Variants in TGFB1I1 observed in about 807,000 individuals in gnomAD.
TGFB1I1 encodes the protein transforming growth factor beta-1-induced transcript 1 protein.
Under a neutral mutation model 52.0 loss-of-function variants are expected in TGFB1I1, and 33 were observed. The observed-to-expected ratio is 0.63, with a 90% CI of 0.48 to 0.85. The LOEUF (loss-of-function observed/expected upper bound fraction) is 0.85, where lower values mean the gene tolerates loss of function less well. Among genes scored for constraint, TGFB1I1 ranks in the 40% least tolerant of loss-of-function variants. The probability of loss-of-function intolerance (pLI) is 0.00; values close to 1 mark genes in which losing one functional copy is unlikely to be tolerated. For missense variants in TGFB1I1, 577 were observed against 614.9 expected, an observed-to-expected ratio of 0.94 and a Z score of 0.65; for synonymous variants, 236 against 253.3, an observed-to-expected ratio of 0.93 and a Z score of 0.65.
At chr16:31,473,150 G>T in intron 1 of TGFB1I1, 2 of 1,163,856 alleles carry the variant, frequency 1.7e-6, no homozygotes, top group South Asian at 2.3e-5. Context: ...AATTTGGAGG[G>T]GAGCCAAATT....
chr16:31,474,637 G>A lies in TGFB1I1; in HGVS notation c.594G>A (p.Pro198=), dbSNP rs771337159. The change falls in exon 7 of 11, where the codon CCG becomes CCA. Residue 198 remains proline (P), a synonymous_variant. Coordinates refer to ENST00000394863, the MANE Select transcript of TGFB1I1 (RefSeq NM_001042454.3). This position sits in a 1 kb window ranked among gnomAD's most constrained non-coding sequence, Gnocchi z 4.2. ...TNEGSPSPPE[P]TGKGSLDTML... is the part of the protein sequence containing the mutation. ...AGGGCTCCCCATCCCCACCAGAGCC[G>A]ACTGGCAAGGGCAGCCTAGACACCA... 18 of 1,612,700 alleles carry A rather than the reference G, an allele frequency of 1.1e-5. No homozygotes were observed. The East Asian group carries it at 2.5e-4, about 22-fold the overall frequency.
rs761063405 is a variant in TGFB1I1 at position 31,476,610 on chromosome 16, C to A, written c.970+48C>A. 6 of 1,574,976 alleles carry A rather than the reference C, an allele frequency of 3.8e-6. No homozygotes were observed. The Admixed American group carries it at 1.1e-4, about 29-fold the overall frequency. On this transcript the variant is annotated intron_variant, in intron 9 of 10. Coordinates refer to ENST00000394863, the MANE Select transcript of TGFB1I1 (RefSeq NM_001042454.3). This position sits in a 1 kb window ranked among gnomAD's most constrained non-coding sequence, Gnocchi z 7.6. ...TCTTAAAAGCTGCGGGTCCCCTCGACGTCTCGCCCCAGCCCCTCCGACCTC... is the reference window on the plus strand; with the variant it reads ...TCTTAAAAGCTGCGGGTCCCCTCGAAGTCTCGCCCCAGCCCCTCCGACCTC...
At position 31,474,834 on chromosome 16, in the gene TGFB1I1, T is replaced by A; in HGVS notation, c.714+77T>A. 1 of 1,380,314 alleles carries A rather than the reference T, an allele frequency of 7.2e-7. No individual in the cohort carries two copies. The highest frequency in any genetic ancestry group is 9.9e-7 in the Non-Finnish European group (1 of 1,005,470). 85.5% of individuals were successfully genotyped at this position (1,380,314 alleles called of 1,614,324 possible). On this transcript the variant is annotated intron_variant, in intron 7 of 10. Coordinates refer to ENST00000394863, the MANE Select transcript of TGFB1I1 (RefSeq NM_001042454.3). This position sits in a 1 kb window ranked among gnomAD's most constrained non-coding sequence, Gnocchi z 4.2. Reference sequence around the variant, plus strand: ...TTAGTGAGAGCTGGGCTTTATGCTGTTCCCTTTTAGTAAGTTAATCTGGGA... The same window carrying A: ...TTAGTGAGAGCTGGGCTTTATGCTGATCCCTTTTAGTAAGTTAATCTGGGA...
Position 31,477,619 on chromosome 16 carries a change from C to T in TGFB1I1, c.*43C>T. On this transcript the variant is annotated 3_prime_UTR_variant, in exon 11 of 11. Coordinates refer to ENST00000394863, the MANE Select transcript of TGFB1I1 (RefSeq NM_001042454.3). This position sits in a 1 kb window ranked among gnomAD's most constrained non-coding sequence, Gnocchi z 4.7. ...CCTCTCCCCCGGAGGCCGCGCCCTC[C>T]CGGAAAAGCCGGGTCCTCCAGACCC... 1 of 1,540,448 alleles carries T rather than the reference C, an allele frequency of 6.5e-7. No homozygotes were observed. Among genetic ancestry groups the T allele is most frequent in the Non-Finnish European group, 8.7e-7 (1 of 1,147,702 alleles).
In TGFB1I1 at chr16:31,476,894, C is replaced by T; in HGVS notation, c.1003C>T (p.Arg335Cys). Residue 335 changes from arginine to cysteine, a missense_variant, in exon 10 of 11, where the codon CGC becomes TGC. By Grantham distance (180) the Arg-to-Cys change is radical. Around this residue, in one of 3 missense-constraint regions of TGFB1I1, gnomAD observed 456 missense variants for 461.6 expected, o/e 0.99. Transcript: ENST00000394863. This position sits in a 1 kb window ranked among gnomAD's most constrained non-coding sequence, Gnocchi z 7.6. ...FHEREGRPYCRRDFLQLFAPR... is the reference protein window; with the variant it reads ...FHEREGRPYCCRDFLQLFAPR... ...CGAGCGCGAGGGCCGCCCCTACTGC[C>T]GCCGGGACTTCCTGCAGCTGTTCGC... The T allele has an allele frequency of 1.2e-6, 2 of 1,610,532 alleles. No homozygotes were observed. The highest frequency in any genetic ancestry group is 1.7e-6 in the Non-Finnish European group (2 of 1,179,566).
chr16:31,474,793 T>G lies in TGFB1I1; in HGVS notation c.714+36T>G. 7 of 1,571,936 alleles carry G rather than the reference T, an allele frequency of 4.5e-6. No individual in the cohort carries two copies. The highest frequency in any genetic ancestry group is 6.1e-6 in the Non-Finnish European group (7 of 1,156,582). On this transcript the variant is annotated intron_variant, in intron 7 of 10. Transcript: ENST00000394863. The surrounding 1 kb of genome is among the most constrained non-coding windows in gnomAD (Gnocchi z 4.2). ...CCTTGTGAGAAGGGAGGCAGAGACC[T>G]GTCACAGACCCATCTTTAGTGAGAG...
Position 31,476,892 on chromosome 16 carries a change from G to A in TGFB1I1, c.1001G>A (p.Cys334Tyr), listed in dbSNP as rs761308402. The stretch of plus-strand genomic sequence containing the variant: ...CACGAGCGCGAGGGCCGCCCCTACT[G>A]CCGCCGGGACTTCCTGCAGCTGTTC... ...GFHEREGRPY[C>Y]RRDFLQLFAP... The change falls in exon 10 of 11, where the codon TGC becomes TAC. Residue 334 changes from cysteine to tyrosine, a missense_variant. By Grantham distance (194) the Cys-to-Tyr change is radical. Coordinates refer to ENST00000394863, the MANE Select transcript of TGFB1I1 (RefSeq NM_001042454.3). This position sits in a 1 kb window ranked among gnomAD's most constrained non-coding sequence, Gnocchi z 7.6. 1 of 1,610,866 alleles carries A rather than the reference G, an allele frequency of 6.2e-7. No homozygotes were observed. The highest frequency in any genetic ancestry group is 8.5e-7 in the Non-Finnish European group (1 of 1,179,720).
rs2082426162 is a variant in TGFB1I1, at chr16:31,476,685, C to T, written c.970+123C>T. 3 of 1,422,484 alleles carry T rather than the reference C, an allele frequency of 2.1e-6. No individual in the cohort carries two copies. The highest frequency in any genetic ancestry group is 2.9e-6 in the Non-Finnish European group (3 of 1,043,814). 88.1% of individuals were successfully genotyped at this position (1,422,484 alleles called of 1,614,324 possible). On this transcript the variant is annotated intron_variant, in intron 9 of 10. Transcript: ENST00000394863. This position sits in a 1 kb window ranked among gnomAD's most constrained non-coding sequence, Gnocchi z 7.6. ...CCTTCTGCTCTCTTCTGGCCCTGCC[C>T]TCTCCTACACAGACTCCGGACCCGA... is the stretch of plus-strand genomic sequence containing the variant.
rs1427594044 is a variant in TGFB1I1 at position 31,477,332 on chromosome 16, G to C, written c.1142G>C (p.Gly381Ala). ...VCRECFAPFS[G>A]GSFFEHEGRP... ...CAGGAATGCTTCGCGCCCTTCTCGG[G>C]AGGCAGCTTTTTCGAGCACGAGGGC... The change falls in exon 11 of 11, where the codon GGA becomes GCA. Residue 381 changes from glycine to alanine, a missense_variant. Around this residue, in one of 3 missense-constraint regions of TGFB1I1, gnomAD observed 456 missense variants for 461.6 expected, o/e 0.99. Coordinates refer to ENST00000394863, the MANE Select transcript of TGFB1I1 (RefSeq NM_001042454.3). The surrounding 1 kb of genome is among the most constrained non-coding windows in gnomAD (Gnocchi z 4.7). The C allele has an allele frequency of 1.2e-6, 2 of 1,608,730 alleles. No homozygotes were observed. Among genetic ancestry groups the C allele is most frequent in the East Asian group, 2.2e-5 (1 of 44,602 alleles).
At position 31,477,079 on chromosome 16, in the gene TGFB1I1, AG is replaced by A. The variant is rs1228178956; in HGVS notation, c.1119+73del. ...ACAGGGCTGTGGGGCGGGGCCTTGG[AG>A]GGGCGGGTCAAGGGTGCAGGGCAGG... is the stretch of plus-strand genomic sequence containing the variant. On this transcript the variant is annotated intron_variant, in intron 10 of 10. Transcript: ENST00000394863. The surrounding 1 kb of genome is among the most constrained non-coding windows in gnomAD (Gnocchi z 4.7). The A allele has an allele frequency of 5.8e-6, 2 of 343,492 alleles. No homozygotes were observed. Among genetic ancestry groups the A allele is most frequent in the Admixed American group, 5.1e-5 (1 of 19,598 alleles). 21.3% of individuals were successfully genotyped at this position (343,492 alleles called of 1,614,324 possible).
Position 31,474,429 on chromosome 16 carries a change from C to G in TGFB1I1, c.493C>G (p.Leu165Val), listed in dbSNP as rs376501973. 7.4e-6 allele frequency: 12 copies of G among 1,614,214 alleles called. No homozygotes were observed. The African/African-American group carries it at 1.5e-4, about 20-fold the overall frequency. ...TLELDRLMAS[L>V]SDFRVQNHLP... is the part of the protein sequence containing the mutation. ...GGAGCTGGATAGACTGATGGCCTCA[C>G]TCTCTGACTTCCGCGTTCAAAACCA... The change falls in exon 6 of 11, where the codon CTC becomes GTC. Residue 165 changes from leucine to valine, a missense_variant. Leu to Val is a conservative substitution (Grantham distance 32). Transcript: ENST00000394863. This position sits in a 1 kb window ranked among gnomAD's most constrained non-coding sequence, Gnocchi z 4.2.
chr16:31,474,720 G>C lies in TGFB1I1; in HGVS notation c.677G>C (p.Gly226Ala), dbSNP rs1188550847. ...CGGGGTGTTCCCACCCAGGCCAAAG[G>C]CCTCTGTGGCTCCTGCAATAAACCT... ...SRRGVPTQAK[G>A]LCGSCNKPIA... The change falls in exon 7 of 11, where the codon GGC becomes GCC. Residue 226 changes from glycine (G) to alanine (A), a missense_variant. Around this residue, in one of 3 missense-constraint regions of TGFB1I1, gnomAD observed 456 missense variants for 461.6 expected, o/e 0.99. Coordinates refer to ENST00000394863, the MANE Select transcript of TGFB1I1 (RefSeq NM_001042454.3). This position sits in a 1 kb window ranked among gnomAD's most constrained non-coding sequence, Gnocchi z 4.2. 26 of 1,611,958 alleles carry C rather than the reference G, an allele frequency of 1.6e-5. No homozygotes were observed. Among genetic ancestry groups the C allele is most frequent in the African/African-American group, 4.0e-5 (3 of 74,930 alleles).
rs772350032 is a variant in TGFB1I1 at position 31,477,540 on chromosome 16, C to T, written c.1350C>T (p.Pro450=). Reference sequence around the variant, plus strand: ...CCTTCCAGGAGCGCGCCGGCAAGCCCTACTGCCAGCCCTGCTTCCTGAAGC... The same window carrying T: ...CCTTCCAGGAGCGCGCCGGCAAGCCTTACTGCCAGCCCTGCTTCCTGAAGC... ...KGSFQERAGK[P]YCQPCFLKLF... Residue 450 remains proline, a synonymous_variant, in exon 11 of 11, where the codon CCC becomes CCT. Transcript: ENST00000394863. The surrounding 1 kb of genome is among the most constrained non-coding windows in gnomAD (Gnocchi z 4.7). 1.9e-6 allele frequency: 3 copies of T among 1,609,242 alleles called. No homozygotes were observed. Among genetic ancestry groups the T allele is most frequent in the South Asian group, 1.1e-5 (1 of 90,534 alleles).
chr16:31,477,574 T>A lies in TGFB1I1; in HGVS notation c.1384T>A (p.Ter462ArgextTer41), dbSNP rs765078641. 2.5e-6 allele frequency: 4 copies of A among 1,600,230 alleles called. No individual in the cohort carries two copies. The South Asian group carries it at 4.5e-5, about 18-fold the overall frequency. ...GCCCTGCTTCCTGAAGCTCTTCGGCTGACAGCCCGCTCGGCTCGCCCTCTC... is the reference window on the plus strand; with the variant it reads ...GCCCTGCTTCCTGAAGCTCTTCGGCAGACAGCCCGCTCGGCTCGCCCTCTC... ...CQPCFLKLFG[*>R] The change falls in exon 11 of 11, where the codon TGA becomes AGA. Residue 462 changes from the stop codon to arginine (R), a stop_lost. Coordinates refer to ENST00000394863, the MANE Select transcript of TGFB1I1 (RefSeq NM_001042454.3). This position sits in a 1 kb window ranked among gnomAD's most constrained non-coding sequence, Gnocchi z 4.7.
intron 1 of TGFB1I1, 173 bp downstream of exon 1, chr16:31,472,374 T>G: frequency 1.8e-6 from 2 of 1,100,726 alleles, no homozygotes; most frequent in Non-Finnish European, 2.3e-6. Flanking sequence ...CTTCCTGCCT[T>G]TCCTGGGCCG....
chr16:31,472,303 T>G, intron 1 of TGFB1I1, 102 bp downstream of exon 1: 1 of 1,363,984 alleles, frequency 7.3e-7, no homozygotes, highest in Non-Finnish European at 9.5e-7. Context: ...TCTTCTTACT[T>G]CTGCTTTTCG....
At position 31,474,431 on chromosome 16, in the gene TGFB1I1, C is replaced by G. The variant is rs763244751; in HGVS notation, c.495C>G (p.Leu165=). ...TLELDRLMAS[L]SDFRVQNHLP... is the part of the protein sequence containing the mutation. ...AGCTGGATAGACTGATGGCCTCACT[C>G]TCTGACTTCCGCGTTCAAAACCATG... The change falls in exon 6 of 11, where the codon CTC becomes CTG. Residue 165 remains leucine (L), a synonymous_variant. Coordinates refer to ENST00000394863, the MANE Select transcript of TGFB1I1 (RefSeq NM_001042454.3). This position sits in a 1 kb window ranked among gnomAD's most constrained non-coding sequence, Gnocchi z 4.2. The G allele has an allele frequency of 6.2e-7, 1 of 1,614,216 alleles. No homozygotes were observed. Among genetic ancestry groups the G allele is most frequent in the Non-Finnish European group, 8.5e-7 (1 of 1,180,050 alleles).
At chr16:31,473,620 T>C in intron 2 of TGFB1I1, 62 bp from the exon 3 acceptor site, 3 of 1,604,938 alleles carry the variant, frequency 1.9e-6, no homozygotes, top group Non-Finnish European at 2.6e-6. Context: ...TCTATGGGGA[T>C]CTCAGCCTCA....
Position 31,476,099 on chromosome 16 carries a change from G to C in TGFB1I1, c.802G>C (p.Glu268Gln). ...STALGGSSFF[E>Q]KDGAPFCPEC... is the part of the protein sequence containing the mutation. ...CGCCCTGGGAGGCAGCAGCTTCTTC[G>C]AGAAGGATGGAGCCCCCTTCTGCCC... Residue 268 changes from glutamate (E) to glutamine (Q), a missense_variant, in exon 8 of 11, where the codon GAG (glutamate) becomes CAG (glutamine). Physicochemically the swap from Glu to Gln is conservative, Grantham distance 29. Around this residue, in one of 3 missense-constraint regions of TGFB1I1, gnomAD observed 456 missense variants for 461.6 expected, o/e 0.99. Coordinates refer to ENST00000394863, the MANE Select transcript of TGFB1I1 (RefSeq NM_001042454.3). This position sits in a 1 kb window ranked among gnomAD's most constrained non-coding sequence, Gnocchi z 7.6. 1 of 1,613,870 alleles carries C rather than the reference G, an allele frequency of 6.2e-7. No homozygotes were observed. Among genetic ancestry groups the C allele is most frequent in the Non-Finnish European group, 8.5e-7 (1 of 1,179,992 alleles).
Sources: gnomAD v4.1 joint callset for allele counts on GRCh38, gnomAD v4.1.1 for gene constraint, gnomAD v4.1.1 regional missense constraint, Gnocchi (gnomAD v3.1) non-coding constraint, MANE v1.5 for transcripts, NCBI Gene and HGNC (gene_info 2026-07-23, HGNC 2026-07-21) for gene names.